TRPC4: variants seen among roughly 807,000 people sequenced by gnomAD.
The protein encoded by TRPC4 is short transient receptor potential channel 4.
TRPC4 carries 49 observed loss-of-function variants against 99.4 expected under a neutral mutation model. The ratio of observed to expected loss-of-function variants is 0.49; its 90% CI spans 0.39 to 0.63. The LOEUF (loss-of-function observed/expected upper bound fraction) is 0.63, where lower values mean the gene tolerates loss of function less well. TRPC4 is among the 20% of genes least tolerant of loss of function. The pLI is 0.00. For missense variants in TRPC4, 898 were observed against 1,152.9 expected (o/e 0.78, Z 3.20); for synonymous variants, 454 against 425.9 (o/e 1.07, Z -0.81).
chr13:37,681,226 A>C lies in TRPC4; in HGVS notation c.1235-6859T>G, dbSNP rs17056431. On this transcript the variant is annotated intron_variant, in intron 4 of 10. Transcript: ENST00000379705. ...TAGATGACCTCTAAGCAAAACTCAC[A>C]ATGCTGATATATTACAATTCCTCTG... 8.1e-3 allele frequency among the ~76,000 whole-genome samples: 1,241 copies of C among 152,326 alleles called. 14 individuals carry two copies. The highest frequency in any genetic ancestry group is 0.028 in the African/African-American group (1,175 of 41,580).
intron 3 of TRPC4, among the ~76,000 whole-genome samples, chr13:37,713,381 T>A (rs1954549246): frequency 6.6e-6 from 1 of 152,210 alleles, no homozygotes; most frequent in African/African-American, 2.4e-5. Flanking sequence ...TTAATCAACC[T>A]CTAAAGATTG....
chr13:37,652,953 C>A (rs2138625174), intron 7 of TRPC4, among the ~76,000 whole-genome samples: 1 of 152,212 alleles, frequency 6.6e-6, no homozygotes, highest in East Asian at 1.9e-4. Flanking sequence ...CTGGTGATGA[C>A]TAGATCCACC....
chr13:37,853,661 C>T (rs1007923664), intron 1 of TRPC4, among the ~76,000 whole-genome samples: 12 of 152,020 alleles, frequency 7.9e-5, no homozygotes, highest in Admixed American at 5.9e-4. Context: ...TTTAAGGAAA[C>T]TCAAAGAAAT....
At chr13:37,695,954 C>A (rs1368209839) in intron 3 of TRPC4, among the ~76,000 whole-genome samples, 1 of 152,070 alleles carries the variant, frequency 6.6e-6, no homozygotes. Context: ...CAAAACAAAA[C>A]CAAATAAACA....
chr13:37,816,447 G>T (rs535082934), intron 1 of TRPC4, among the ~76,000 whole-genome samples: 2 of 151,800 alleles, frequency 1.3e-5, no homozygotes, highest in Non-Finnish European at 2.9e-5. Flanking sequence ...TCTTCTCATC[G>T]TGACATGGCA....
intron 1 of TRPC4, among the ~76,000 whole-genome samples, chr13:37,791,450 T>C (rs749680587): frequency 2.0e-5 from 3 of 148,638 alleles, no homozygotes; most frequent in African/African-American, 7.5e-5. Context: ...CTTATTTAAA[T>C]AGTCAAGAGA....
At chr13:37,822,274 G>T (rs927590531) in intron 1 of TRPC4, among the ~76,000 whole-genome samples, 9 of 134,440 alleles carry the variant, frequency 6.7e-5, no homozygotes, top group East Asian at 2.5e-4. Flanking sequence ...AATCAGAATG[G>T]TTTTTTTTTT....
intron 3 of TRPC4, among the ~76,000 whole-genome samples, chr13:37,702,887 A>G (rs1418630254): frequency 6.6e-6 from 1 of 152,190 alleles, no homozygotes; most frequent in Admixed American, 6.5e-5. Context: ...GGAATAAAAC[A>G]TTACATTGCT....
intron 1 of TRPC4, among the ~76,000 whole-genome samples, chr13:37,791,438 C>G (rs1354014426): frequency 4.7e-5 from 7 of 147,798 alleles, no homozygotes; most frequent in Admixed American, 1.4e-4. Flanking sequence ...AAAAAGTTTT[C>G]TCTTATTTAA....
At chr13:37,698,434 G>A (rs1013907042) in intron 3 of TRPC4, among the ~76,000 whole-genome samples, 2 of 151,520 alleles carry the variant, frequency 1.3e-5, no homozygotes, top group Non-Finnish European at 2.9e-5. Flanking sequence ...GTGCTGGGAG[G>A]ACTAACTTTT....
In TRPC4 at chr13:37,784,530, A is replaced by G. The variant is rs75512474; in HGVS notation, c.-27-1170T>C. On this transcript the variant is annotated intron_variant, in intron 1 of 10. Transcript: ENST00000379705. ...CTCTTGCATACTTATTATCTAACCT[A>G]TTTTACTTTTCTATGTTATTGAAAT... Among the ~76,000 whole-genome samples, 597 of 152,028 alleles carry G rather than the reference A, an allele frequency of 3.9e-3. 2 individuals carry two copies. The highest frequency in any genetic ancestry group is 5.8e-3 in the Non-Finnish European group (393 of 67,940).
At chr13:37,842,343 CAAAAA>C (rs57428116) in intron 1 of TRPC4, among the ~76,000 whole-genome samples, 226 of 15,614 alleles carry the variant, frequency 0.014, 2 homozygotes, top group African/African-American at 0.042. Context: ...AGCGTCTAGC[CAAAAA>C]AAAAAAAAAA....
At chr13:37,676,800 T>C in intron 4 of TRPC4, among the ~76,000 whole-genome samples, 1 of 111,264 alleles carries the variant, frequency 9.0e-6, no homozygotes. Context: ...AGACGATTTA[T>C]TCCTGTCAGA....
Position 37,633,766 on chromosome 13 carries a change from A to G in TRPC4, c.*3137T>C, listed in dbSNP as rs559330163. Among the ~76,000 whole-genome samples, 4 of 152,266 alleles carry G rather than the reference A, an allele frequency of 2.6e-5. No individual in the cohort carries two copies. The East Asian group carries it at 5.8e-4, about 22-fold the overall frequency. On this transcript the variant is annotated 3_prime_UTR_variant, in exon 11 of 11. Coordinates refer to ENST00000379705, the MANE Select transcript of TRPC4 (RefSeq NM_016179.4). ...AGAAAATTTGATATACAAATATTCA[A>G]TTCATGAAACAGATACATTTTGAGG...
At chr13:37,663,778 T>A (rs1449799426) in intron 5 of TRPC4, 49 bp from the exon 6 acceptor site, 2 of 1,467,460 alleles carry the variant, frequency 1.4e-6, no homozygotes, top group African/African-American at 1.4e-5. Context: ...CACACGCATA[T>A]AAATAGATCA....
At chr13:37,700,781 T>C (rs1234959649) in intron 3 of TRPC4, among the ~76,000 whole-genome samples, 2 of 152,188 alleles carry the variant, frequency 1.3e-5, no homozygotes, top group Non-Finnish European at 2.9e-5. Flanking sequence ...GGGTTATATT[T>C]GTTTCAAATG....
chr13:37,849,071 C>T (rs1566221744), intron 1 of TRPC4, among the ~76,000 whole-genome samples: 1 of 152,142 alleles, frequency 6.6e-6, no homozygotes, highest in Non-Finnish European at 1.5e-5. Flanking sequence ...TTGCCAGGAC[C>T]TAGATTCCCA....
intron 2 of TRPC4, among the ~76,000 whole-genome samples, chr13:37,761,828 A>G (rs1956228506): frequency 1.3e-5 from 2 of 151,988 alleles, no homozygotes; most frequent in South Asian, 4.1e-4. Flanking sequence ...TCTGAAAGGT[A>G]GAACAATAAT....
At chr13:37,698,167 C>CTTTTTTTTTTTTTTTTTTTTTTTTTTT in intron 3 of TRPC4, among the ~76,000 whole-genome samples, 595 of 42,552 alleles carry the variant, frequency 0.014, 259 homozygotes, top group East Asian at 0.055. Context: ...AAGGACTAAC[C>CTTTTTTTTTTTTTTTTTTTTTTTTTTT]TTTTTTTTTT....
Sources: gnomAD v4.1 joint callset for allele counts (sites outside exome capture counted in the v4.1 genomes callset) on GRCh38, gnomAD v4.1.1 for gene constraint, MANE v1.5 for transcripts, NCBI Gene and HGNC (gene_info 2026-07-23, HGNC 2026-07-21) for gene names.